The following PLAAT3 variants were observed in gnomAD, a reference collection of about 807,000 sequenced individuals.
PLAAT3 encodes the protein Ca-independent phospholipase A1/2.
In PLAAT3, 21 loss-of-function variants were observed where a neutral mutation model predicts 16.7. That is an observed-to-expected ratio of 1.26 (90% CI 0.89 to 1.81). The LOEUF is 1.81. Among genes scored for constraint, PLAAT3 ranks in the 40% most tolerant of loss-of-function variants. PLAAT3 has a pLI of 0.00. For synonymous variants in PLAAT3, 76 were observed against 81.7 expected (o/e 0.93, Z 0.38); for missense variants, 219 against 213.7 (o/e 1.02, Z -0.16).
At chr11:63,588,977 CAAAA>C (rs58090843) in intron 4 of PLAAT3, among the ~76,000 whole-genome samples, 1 of 46,906 alleles carries the variant, frequency 2.1e-5, no homozygotes. Flanking sequence ...ATGAGCCAAG[CAAAA>C]AAAAAAAAAA....
chr11:63,615,394 ATATGTGTGTATATG>A (rs1223635793), upstream of PLAAT3, among the ~76,000 whole-genome samples: 10 of 63,276 alleles, frequency 1.6e-4, no homozygotes, highest in South Asian at 1.3e-3. Context: ...ATATGTGTAT[ATATGTGTGTATATG>A]TGTGTGTGTG....
chr11:63,575,228 G>A (rs926327728), intron 4 of PLAAT3, among the ~76,000 whole-genome samples, 182 bp from the exon 5 acceptor site: 1 of 152,240 alleles, frequency 6.6e-6, no homozygotes, highest in African/African-American at 2.4e-5. Flanking sequence ...AAAAGAATTC[G>A]TGGCTGGAGC....
Position 63,613,987 on chromosome 11 carries a change from G to A in PLAAT3, c.15+13C>T, listed in dbSNP as rs1565258913. 11 of 1,425,308 alleles carry A rather than the reference G, an allele frequency of 7.7e-6. No homozygotes were observed. Among genetic ancestry groups the A allele is most frequent in the Non-Finnish European group, 1.1e-5 (11 of 1,007,452 alleles). 88.3% of individuals were successfully genotyped at this position (1,425,308 alleles called of 1,614,324 possible). ...TCCCAGCCCCGCCCAGCCCCGCCTC[G>A]CCCCGCACTTACAATGGGCGCACGC... On this transcript the variant is annotated intron_variant, in intron 2 of 4. Coordinates refer to ENST00000415826, the MANE Select transcript of PLAAT3 (RefSeq NM_001128203.2).
Position 63,574,612 on chromosome 11 carries a change from A to T in PLAAT3, c.*333T>A. On this transcript the variant is annotated 3_prime_UTR_variant, in exon 5 of 5. Transcript: ENST00000415826. ...TCTTTCTGTCTCCCTTCCGCCCCGC[A>T]TGTATCCTGACGACCAGAAACGCCC... 4.2e-6 allele frequency: 1 copy of T among 240,684 alleles called. No homozygotes were observed. The highest frequency in any genetic ancestry group is 6.7e-5 in the South Asian group (1 of 15,022). 14.9% of individuals were successfully genotyped at this position (240,684 alleles called of 1,614,324 possible). A position where few individuals can be genotyped will look rare whatever the true frequency, so the allele number is the denominator to read the frequency against.
chr11:63,577,167 C>CT (rs773068565), intron 4 of PLAAT3, among the ~76,000 whole-genome samples: 206 of 139,386 alleles, frequency 1.5e-3, no homozygotes, highest in Middle Eastern at 7.3e-3. Context: ...GGCAAGTGCA[C>CT]TTTTTTTTTT....
At chr11:63,585,697 A>G (rs1172689150) in intron 4 of PLAAT3, among the ~76,000 whole-genome samples, 1 of 152,182 alleles carries the variant, frequency 6.6e-6, no homozygotes, top group Non-Finnish European at 1.5e-5. Context: ...GGGATCAAGT[A>G]GAATTGTTCA....
intron 3 of PLAAT3, among the ~76,000 whole-genome samples, chr11:63,594,737 G>A (rs28493050): frequency 6.6e-6 from 1 of 152,296 alleles, no homozygotes; most frequent in Middle Eastern, 3.4e-3. Flanking sequence ...AGGGCGTTAA[G>A]CAGAGAAGGA....
At chr11:63,599,713 GAAAA>G (rs146773613) in intron 2 of PLAAT3, among the ~76,000 whole-genome samples, 1 of 146,966 alleles carries the variant, frequency 6.8e-6, no homozygotes, top group East Asian at 2.0e-4. Flanking sequence ...TGTTTTCCAG[GAAAA>G]AAAAAAGAGT....
chr11:63,614,063 A>G lies in PLAAT3; in HGVS notation c.-49T>C. On this transcript the variant is annotated 5_prime_UTR_variant, in exon 2 of 5. Transcript: ENST00000415826. ...AAGGCCAGGCTCGATTTCGCTGCGTAGATGTCTGAGGCAGGGGGAGCAGGG... is the reference window on the plus strand; with the variant it reads ...AAGGCCAGGCTCGATTTCGCTGCGTGGATGTCTGAGGCAGGGGGAGCAGGG... 1 of 1,613,250 alleles carries G rather than the reference A, an allele frequency of 6.2e-7. No individual in the cohort carries two copies. Among genetic ancestry groups the G allele is most frequent in the Non-Finnish European group, 8.5e-7 (1 of 1,179,420 alleles).
intron 4 of PLAAT3, 114 bp downstream of exon 4, chr11:63,589,986 G>A (rs1025141581): frequency 1.9e-5 from 17 of 879,750 alleles, no homozygotes; most frequent in Non-Finnish European, 2.8e-5. Flanking sequence ...CTCAAGGGCA[G>A]TAATTCTGTC....
intron 2 of PLAAT3, among the ~76,000 whole-genome samples, chr11:63,604,197 T>A (rs1189429923): frequency 6.6e-6 from 1 of 152,168 alleles, no homozygotes; most frequent in Non-Finnish European, 1.5e-5. Context: ...ATACACTACA[T>A]ATGAGCTAAG....
At chr11:63,579,557 A>G (rs367634182) in intron 4 of PLAAT3, among the ~76,000 whole-genome samples, 6 of 152,102 alleles carry the variant, frequency 3.9e-5, no homozygotes, top group Admixed American at 1.3e-4. Context: ...AAAATGATGA[A>G]TTCATGTCCT....
chr11:63,615,060 ATATGTG>A (rs1248157149), upstream of PLAAT3, among the ~76,000 whole-genome samples: 26 of 10,446 alleles, frequency 2.5e-3, 1 homozygote, highest in African/African-American at 2.9e-3. Flanking sequence ...ATGTGTATAT[ATATGTG>A]TGTATATATG....
intron 2 of PLAAT3, among the ~76,000 whole-genome samples, chr11:63,606,305 G>A (rs1244025609): frequency 6.6e-6 from 1 of 152,118 alleles, no homozygotes; most frequent in East Asian, 1.9e-4. Flanking sequence ...TACCTTAGTA[G>A]GCCGGCGCGG....
chr11:63,614,028 G>A lies in PLAAT3; in HGVS notation c.-14C>T. 1.2e-6 allele frequency: 2 copies of A among 1,612,824 alleles called. No individual in the cohort carries two copies. Among genetic ancestry groups the A allele is most frequent in the Non-Finnish European group, 1.7e-6 (2 of 1,178,930 alleles). On this transcript the variant is annotated 5_prime_UTR_variant, in exon 2 of 5. Transcript: ENST00000415826. ...GGGCGCACGCATCTTCCCTCGCGGTGTGGACCCTCAAGGCCAGGCTCGATT... is the reference window on the plus strand; with the variant it reads ...GGGCGCACGCATCTTCCCTCGCGGTATGGACCCTCAAGGCCAGGCTCGATT...
intron 2 of PLAAT3, among the ~76,000 whole-genome samples, chr11:63,600,672 G>A (rs908970733): frequency 2.0e-5 from 3 of 151,618 alleles, no homozygotes; most frequent in Admixed American, 6.6e-5. Flanking sequence ...GTGCGATCTC[G>A]GCTCACTGCA....
chr11:63,586,929 CA>C (rs1470491932), intron 4 of PLAAT3, among the ~76,000 whole-genome samples: 1 of 152,062 alleles, frequency 6.6e-6, no homozygotes. Flanking sequence ...AATAAAAATA[CA>C]AAAATTACCC....
intron 2 of PLAAT3, 81 bp from the exon 3 acceptor site, chr11:63,598,244 G>C: frequency 1.1e-6 from 1 of 925,572 alleles, no homozygotes; most frequent in Non-Finnish European, 1.8e-6. Flanking sequence ...AGGTGCAGCT[G>C]AGTGGTCCCC....
At chr11:63,575,725 T>C (rs2017650507) in intron 4 of PLAAT3, among the ~76,000 whole-genome samples, 1 of 152,184 alleles carries the variant, frequency 6.6e-6, no homozygotes, top group African/African-American at 2.4e-5. Flanking sequence ...AACTAAGGCA[T>C]TTGTTTAAGG....
Sources: gnomAD v4.1 joint callset for allele counts (sites outside exome capture counted in the v4.1 genomes callset) on GRCh38, gnomAD v4.1.1 for gene constraint, MANE v1.5 for transcripts, NCBI Gene and HGNC (gene_info 2026-07-23, HGNC 2026-07-21) for gene names.